OPA1: variants seen among roughly 807,000 people sequenced by gnomAD.
OPA1 encodes the protein OPA1 mitochondrial dynamin like GTPase, also known as dynamin-like GTPase OPA1, mitochondrial.
Under a neutral mutation model 152.9 loss-of-function variants are expected in OPA1, and 59 were observed. That is an observed-to-expected ratio of 0.39 (90% CI 0.31 to 0.48). The LOEUF is 0.48. OPA1 is among the 20% of genes least tolerant of loss of function. OPA1 has a pLI of 0.96. For missense variants in OPA1, 1,008 were observed against 1,216.8 expected, an observed-to-expected ratio of 0.83 and a Z score of 2.55; for synonymous variants, 400 against 389.9, an observed-to-expected ratio of 1.03 and a Z score of -0.31.
At chr3:193,663,547 C>T (rs1467651729) in intron 26 of OPA1, among the ~76,000 whole-genome samples, 2 of 151,882 alleles carry the variant, frequency 1.3e-5, no homozygotes, top group South Asian at 2.1e-4. Flanking sequence ...TTCGGGCCCA[C>T]GTTTTTTAAA....
chr3:193,662,781 A>G (rs137996415), intron 25 of OPA1, 41 bp from the exon 26 acceptor site: 3 of 1,581,284 alleles, frequency 1.9e-6, no homozygotes, highest in Middle Eastern at 1.7e-4. Context: ...GCACCAAATT[A>G]TGAACCATCT....
intron 1 of OPA1, among the ~76,000 whole-genome samples, chr3:193,614,336 CTCTT>C (rs1330008596): frequency 6.6e-6 from 1 of 152,222 alleles, no homozygotes; most frequent in African/African-American, 2.4e-5. Context: ...TGCCTTTTCT[CTCTT>C]TGGTTTCAAT....
At chr3:193,602,665 C>G (rs2108801881) in intron 1 of OPA1, among the ~76,000 whole-genome samples, 1 of 152,288 alleles carries the variant, frequency 6.6e-6, no homozygotes, top group Middle Eastern at 3.4e-3. Flanking sequence ...ATTCAGTTAA[C>G]TTGGACAGTT....
At position 193,695,725 on chromosome 3, in the gene OPA1, C is replaced by T. The variant is rs886984886; in HGVS notation, c.*1125C>T. 3 of 152,102 alleles carry T rather than the reference C, an allele frequency of 2.0e-5. No homozygotes were observed. The highest frequency in any genetic ancestry group is 4.4e-5 in the Non-Finnish European group (3 of 68,002). The allele number at this position is 152,102 out of a possible 1,614,324, so 9.4% of individuals were successfully genotyped here. ...TCTCATTTGCTGCCTTTTCACTAAG[C>T]CTTTACTTTGTTAATAAAAGTGTCC... On this transcript the variant is annotated 3_prime_UTR_variant, in exon 31 of 31. Transcript: ENST00000361510.
rs1176671217 is a variant in OPA1, at chr3:193,621,293, A to G, written c.678+2357A>G. ...GGCAACTAGCAGAACAGTTAGGACCATTCAGAATCAACTGAAGTGAAAGTG... is the reference window on the plus strand; with the variant it reads ...GGCAACTAGCAGAACAGTTAGGACCGTTCAGAATCAACTGAAGTGAAAGTG... On this transcript the variant is annotated intron_variant, in intron 6 of 30. Transcript: ENST00000361510. Among the ~76,000 whole-genome samples the G allele has an allele frequency of 3.3e-5, 5 of 152,270 alleles. No individual in the cohort carries two copies. In the East Asian group the frequency reaches 5.8e-4, roughly 18 times the overall value.
intron 25 of OPA1, 98 bp downstream of exon 25, chr3:193,659,659 C>T: frequency 1.2e-6 from 1 of 825,954 alleles, no homozygotes. Context: ...AGACCAGTCT[C>T]AGGAATATTA....
chr3:193,658,999 A>G lies in OPA1; in HGVS notation c.2440+4A>G. The G allele has an allele frequency of 6.3e-7, 1 of 1,587,624 alleles. No homozygotes were observed. The highest frequency in any genetic ancestry group is 1.3e-5 in the African/African-American group (1 of 74,558). ...CTGCAGGCTCGTCTCAAGGATAGTA[A>G]GTGGAGACACGGCTTATTGAGTTCT... On this transcript the variant is annotated splice_donor_region_variant and intron_variant, in intron 24 of 30. Transcript: ENST00000361510.
At chr3:193,600,312 T>A (rs1726272877) in intron 1 of OPA1, among the ~76,000 whole-genome samples, 2 of 152,148 alleles carry the variant, frequency 1.3e-5, no homozygotes. Flanking sequence ...GTCTCACACA[T>A]CTTCTTTGGT....
intron 27 of OPA1, among the ~76,000 whole-genome samples, chr3:193,665,732 C>T (rs1390852754): frequency 6.6e-6 from 1 of 152,034 alleles, no homozygotes; most frequent in Non-Finnish European, 1.5e-5. Flanking sequence ...TTTAAATGCA[C>T]CTAATTAAAA....
At chr3:193,672,113 A>G (rs1277755835) in intron 29 of OPA1, among the ~76,000 whole-genome samples, 1 of 152,214 alleles carries the variant, frequency 6.6e-6, no homozygotes, top group Non-Finnish European at 1.5e-5. Flanking sequence ...AAGTTTTAGT[A>G]ATGTGTCCAA....
intron 29 of OPA1, among the ~76,000 whole-genome samples, chr3:193,670,998 A>G (rs1451569354): frequency 6.6e-6 from 1 of 152,144 alleles, no homozygotes; most frequent in Non-Finnish European, 1.5e-5. Context: ...GCTGGGGACA[A>G]TTTGGGCCCC....
At chr3:193,623,785 A>G (rs775975308) in intron 6 of OPA1, among the ~76,000 whole-genome samples, 4 of 152,204 alleles carry the variant, frequency 2.6e-5, no homozygotes, top group African/African-American at 4.8e-5. Flanking sequence ...CAGTAGGTGC[A>G]TAGATTTCTT....
chr3:193,617,151 T>G (rs768251270), intron 3 of OPA1, 27 bp from the exon 4 acceptor site: 1 of 1,337,558 alleles, frequency 7.5e-7, no homozygotes, highest in Admixed American at 1.7e-5. Context: ...CTTAGTTTCA[T>G]ACTCTATATG....
At chr3:193,594,124 TTTTCA>T (rs1278002690) in intron 1 of OPA1, among the ~76,000 whole-genome samples, 2 of 152,192 alleles carry the variant, frequency 1.3e-5, no homozygotes, top group African/African-American at 4.8e-5. Context: ...CATAGAAATC[TTTTCA>T]TTTCTGTGCG....
chr3:193,617,548 A>T (rs1040448792), intron 4 of OPA1, among the ~76,000 whole-genome samples: 17 of 152,234 alleles, frequency 1.1e-4, no homozygotes, highest in African/African-American at 3.6e-4. Flanking sequence ...GTTCTTGACA[A>T]GTAGATGAGA....
intron 29 of OPA1, among the ~76,000 whole-genome samples, chr3:193,669,685 A>G (rs1325036325): frequency 6.6e-6 from 1 of 152,252 alleles, no homozygotes; most frequent in African/African-American, 2.4e-5. Context: ...TTATCAAGAC[A>G]GTGAAACAAT....
At chr3:193,671,542 A>G (rs1717921764) in intron 29 of OPA1, among the ~76,000 whole-genome samples, 1 of 152,168 alleles carries the variant, frequency 6.6e-6, no homozygotes, top group South Asian at 2.1e-4. Context: ...TGATATTTGA[A>G]GGGGATCCGA....
intron 1 of OPA1, among the ~76,000 whole-genome samples, chr3:193,596,365 A>T (rs5029643): frequency 4.5e-3 from 302 of 67,462 alleles, no homozygotes; most frequent in Middle Eastern, 7.1e-3. Context: ...TCTTTTCTTA[A>T]TTTTCTTTTC....
At chr3:193,604,360 A>G (rs1726899549) in intron 1 of OPA1, among the ~76,000 whole-genome samples, 1 of 152,234 alleles carries the variant, frequency 6.6e-6, no homozygotes, top group South Asian at 2.1e-4. Flanking sequence ...GCTCTGGTAC[A>G]GCATTTTTAG....
Sources: allele counts gnomAD v4.1 joint callset (sites outside exome capture counted in the v4.1 genomes callset), GRCh38; gene constraint gnomAD v4.1.1; transcripts MANE v1.5; gene names NCBI Gene and HGNC (gene_info 2026-07-23, HGNC 2026-07-21).